NCOR1: variants seen among roughly 807,000 people sequenced by gnomAD.
The protein encoded by NCOR1 is protein phosphatase 1, regulatory subunit 109.
NCOR1 carries 63 observed loss-of-function variants against 288.1 expected under a neutral mutation model. The ratio of observed to expected loss-of-function variants is 0.22; its 90% CI spans 0.18 to 0.27. The LOEUF is 0.27. Among genes scored for constraint, NCOR1 ranks in the 10% least tolerant of loss-of-function variants. The probability of loss-of-function intolerance (pLI) is 1.00; values close to 1 mark genes in which losing one functional copy is unlikely to be tolerated. For missense variants in NCOR1, 2,397 were observed against 3,019.2 expected (o/e 0.79, Z 4.83); for synonymous variants, 1,007 against 1,065.9 (o/e 0.94, Z 1.08).
rs1481212628 is a variant in NCOR1 at position 16,139,202 on chromosome 17, A to G, written c.1174-16T>C. Reference sequence around the variant, plus strand: ...TCTCATTATTCTGGAAAAAAAATACAATTTACTTAGAATAAAACATAAACT... The same window carrying G: ...TCTCATTATTCTGGAAAAAAAATACGATTTACTTAGAATAAAACATAAACT... On this transcript the variant is annotated splice_polypyrimidine_tract_variant and intron_variant, in intron 11 of 45. Transcript: ENST00000268712. 6.2e-7 allele frequency: 1 copy of G among 1,604,746 alleles called. No individual in the cohort carries two copies. Among genetic ancestry groups the G allele is most frequent in the Admixed American group, 1.7e-5 (1 of 58,256 alleles).
intron 12 of NCOR1, 34 bp downstream of exon 12, chr17:16,138,974 T>C (rs577403679): frequency 7.1e-7 from 1 of 1,399,194 alleles, no homozygotes; most frequent in South Asian, 1.5e-5. Context: ...CTTATGTAGA[T>C]GTCTATTAGA....
In NCOR1 at chr17:16,072,817, C is replaced by T. The variant is rs1480204329; in HGVS notation, c.3812-589G>A. ...ACCCTGCTTTTAGTATTTCATCTAG[C>T]TTAAAATTGGTTGAGGCAGGTTAAG... On this transcript the variant is annotated intron_variant, in intron 28 of 45. Transcript: ENST00000268712. Among the ~76,000 whole-genome samples the T allele has an allele frequency of 2.0e-5, 3 of 152,282 alleles. No homozygotes were observed. The East Asian group carries it at 5.8e-4, about 29-fold the overall frequency.
rs981611256 is a variant in NCOR1, at chr17:16,196,543, C to T, written c.-70-1904G>A. ...ATAATAATAATAACAATTAGTCAGG[C>T]GGCTGGGCGTGGTGGCTCATGCCTG... On this transcript the variant is annotated intron_variant, in intron 1 of 45. Coordinates refer to ENST00000268712, the MANE Select transcript of NCOR1 (RefSeq NM_006311.4). 4.6e-5 allele frequency among the ~76,000 whole-genome samples: 7 copies of T among 152,120 alleles called. No homozygotes were observed. The South Asian group carries it at 6.2e-4, about 14-fold the overall frequency.
chr17:16,114,159 A>ACAAAAAAC (rs774956635), intron 18 of NCOR1, among the ~76,000 whole-genome samples: 11 of 147,822 alleles, frequency 7.4e-5, no homozygotes, highest in South Asian at 4.3e-4. Context: ...AAAAAAAAAA[A>ACAAAAAAC]AAAAAAAAAA....
chr17:16,192,290 G>C (rs1341116819), intron 2 of NCOR1: 1 of 151,132 alleles, frequency 6.6e-6, no homozygotes, highest in Non-Finnish European at 1.5e-5. Context: ...GAGGCAGGCA[G>C]ATCACTTGAG....
At chr17:16,093,655 T>C (rs964638506) in intron 21 of NCOR1, among the ~76,000 whole-genome samples, 2 of 152,334 alleles carry the variant, frequency 1.3e-5, no homozygotes, top group African/African-American at 4.8e-5. Flanking sequence ...CTAGCGTAAG[T>C]AGTATTATTC....
intron 45 of NCOR1, 149 bp from the exon 46 acceptor site, chr17:16,032,632 A>G (rs1244241024): frequency 1.5e-6 from 1 of 684,390 alleles, no homozygotes; most frequent in East Asian, 3.0e-5. Context: ...GGAATGGCCA[A>G]AGTCTCACCA....
At chr17:16,207,896 A>G (rs2091713893) in intron 1 of NCOR1, among the ~76,000 whole-genome samples, 1 of 151,990 alleles carries the variant, frequency 6.6e-6, no homozygotes, top group Non-Finnish European at 1.5e-5. Flanking sequence ...AGAAATCCAA[A>G]TAAGTTAGGA....
intron 42 of NCOR1, among the ~76,000 whole-genome samples, chr17:16,045,364 C>T (rs534310579): frequency 2.0e-5 from 3 of 152,176 alleles, no homozygotes; most frequent in South Asian, 4.2e-4. Context: ...GTTTCCTCAT[C>T]TACAAAATGG....
At chr17:16,111,649 A>T (rs2070226763) in intron 18 of NCOR1, among the ~76,000 whole-genome samples, 1 of 151,748 alleles carries the variant, frequency 6.6e-6, no homozygotes, top group Admixed American at 6.6e-5. Flanking sequence ...AAAAGAAGAC[A>T]TTCTGCCAGG....
intron 3 of NCOR1, 89 bp downstream of exon 3, chr17:16,186,465 T>G: frequency 7.2e-7 from 1 of 1,383,998 alleles, no homozygotes; most frequent in South Asian, 1.5e-5. Flanking sequence ...CATGGCTTGG[T>G]TAATAAAAAG....
At chr17:16,143,010 C>T (rs1362414809) in intron 11 of NCOR1, among the ~76,000 whole-genome samples, 2 of 152,156 alleles carry the variant, frequency 1.3e-5, no homozygotes, top group Non-Finnish European at 2.9e-5. Context: ...TCTATATTCT[C>T]ATTCACCTGC....
intron 28 of NCOR1, among the ~76,000 whole-genome samples, chr17:16,072,612 G>A (rs1301687592): frequency 2.0e-5 from 3 of 152,188 alleles, no homozygotes. Context: ...TAGGGAAAAT[G>A]TATTAAATGA....
intron 22 of NCOR1, chr17:16,087,374 G>C (rs878897336): frequency 7.8e-7 from 1 of 1,278,132 alleles, no homozygotes; most frequent in South Asian, 1.2e-5. Context: ...TCAAAATAAG[G>C]GAAGAACCCC....
At chr17:16,212,421 C>T (rs1382977457) in intron 1 of NCOR1, among the ~76,000 whole-genome samples, 6 of 152,114 alleles carry the variant, frequency 3.9e-5, no homozygotes, top group African/African-American at 1.2e-4. Context: ...AGTGAGTAAA[C>T]AAAAATATAT....
At chr17:16,135,109 A>C (rs2076198308) in intron 14 of NCOR1, among the ~76,000 whole-genome samples, 1 of 149,656 alleles carries the variant, frequency 6.7e-6, no homozygotes, top group Non-Finnish European at 1.5e-5. Flanking sequence ...CAGTGAGCCA[A>C]GATCGCACCA....
At chr17:16,154,172 G>A (rs1328069538) in intron 6 of NCOR1, among the ~76,000 whole-genome samples, 1 of 151,766 alleles carries the variant, frequency 6.6e-6, no homozygotes, top group Non-Finnish European at 1.5e-5. Flanking sequence ...GATTACAGGT[G>A]TGAGCCACAG....
rs371495015 is a variant in NCOR1 at position 16,057,928 on chromosome 17, G to C, written c.6147C>G (p.Ile2049Met). 1 of 1,611,060 alleles carries C rather than the reference G, an allele frequency of 6.2e-7. No homozygotes were observed. Among genetic ancestry groups the C allele is most frequent in the Admixed American group, 1.7e-5 (1 of 59,842 alleles). The change falls in exon 39 of 46, where the codon ATC becomes ATG. Residue 2049 changes from isoleucine (I) to methionine (M), a missense_variant. This residue lies in a region of NCOR1 where 1,872 missense variants were observed against 2,187.8 expected (regional missense o/e 0.86). Coordinates refer to ENST00000268712, the MANE Select transcript of NCOR1 (RefSeq NM_006311.4). ...TTACACAGATGTGATCAGCAAGTGTGATCAGCCGATGGGTCCTGGGCACTT... is the reference window on the plus strand; with the variant it reads ...TTACACAGATGTGATCAGCAAGTGTCATCAGCCGATGGGTCCTGGGCACTT... ...MGQVPRTHRLITLADHICQII... is the reference protein window; with the variant it reads ...MGQVPRTHRLMTLADHICQII...
At position 16,061,467 on chromosome 17, in the gene NCOR1, G is replaced by A. The variant is rs2152592913; in HGVS notation, c.5815C>T (p.Arg1939Trp). 6.2e-7 allele frequency: 1 copy of A among 1,614,204 alleles called. No individual in the cohort carries two copies. The highest frequency in any genetic ancestry group is 2.2e-5 in the East Asian group (1 of 44,886). The change falls in exon 37 of 46, where the codon CGG (arginine) becomes TGG (tryptophan). Residue 1939 changes from arginine to tryptophan, a missense_variant. Physicochemically the swap from Arg to Trp is moderately radical, Grantham distance 101 (BLOSUM62 -3). This residue lies in a region of NCOR1 where 1,872 missense variants were observed against 2,187.8 expected (regional missense o/e 0.86). Transcript: ENST00000268712. ...GCATCCTTGTCCGAGGCAATTTGCC[G>A]GGTGATGATCACGTCTATGAAGTTA... The part of the protein sequence containing the change: ...AANFIDVIIT[R>W]QIASDKDARE...
Sources: gnomAD v4.1 joint callset for allele counts (sites outside exome capture counted in the v4.1 genomes callset) on GRCh38, gnomAD v4.1.1 for gene constraint, gnomAD v4.1.1 regional missense constraint, MANE v1.5 for transcripts, NCBI Gene and HGNC (gene_info 2026-07-23, HGNC 2026-07-21) for gene names.